DAB2IP: variants seen among roughly 807,000 people sequenced by gnomAD.
The protein encoded by DAB2IP is DAB2 interacting protein.
In DAB2IP, 28 loss-of-function variants were observed where a neutral mutation model predicts 107.2. The ratio of observed to expected loss-of-function variants is 0.26; its 90% CI spans 0.19 to 0.36. DAB2IP has a LOEUF of 0.36. Ranked by LOEUF, DAB2IP falls within the 10% of genes least tolerant of loss-of-function variation. The pLI is 1.00. For missense variants in DAB2IP, 1,400 were observed against 1,644.7 expected, an observed-to-expected ratio of 0.85 and a Z score of 2.57; for synonymous variants, 755 against 706.4, an observed-to-expected ratio of 1.07 and a Z score of -1.09.
At chr9:121,720,831 T>C (rs1168726640) in intron 3 of DAB2IP, among the ~76,000 whole-genome samples, 1 of 152,108 alleles carries the variant, frequency 6.6e-6, no homozygotes, top group Non-Finnish European at 1.5e-5. Context: ...ACCTGGTTGC[T>C]GGGGACAATT....
At chr9:121,648,244 C>T (rs2119052157), upstream of DAB2IP, among the ~76,000 whole-genome samples, 1 of 152,114 alleles carries the variant, frequency 6.6e-6, no homozygotes, top group Middle Eastern at 3.4e-3. Context: ...AACTGTTCCC[C>T]AAAAACCTAT....
intron 6 of DAB2IP, among the ~76,000 whole-genome samples, chr9:121,761,511 C>T (rs1833889119): frequency 6.6e-6 from 1 of 152,204 alleles, no homozygotes; most frequent in South Asian, 2.1e-4. Context: ...GGTCCCTCAC[C>T]CTCTCACCTG....
intron 3 of DAB2IP, among the ~76,000 whole-genome samples, chr9:121,750,320 T>C (rs1012851905): frequency 3.3e-5 from 5 of 151,688 alleles, no homozygotes; most frequent in African/African-American, 7.3e-5. Flanking sequence ...TTCACTTGTG[T>C]GCGCGCGCGC....
intron 3 of DAB2IP, among the ~76,000 whole-genome samples, chr9:121,726,638 C>T (rs184278479): frequency 1.5e-4 from 23 of 152,286 alleles, no homozygotes; most frequent in South Asian, 8.3e-4. Context: ...AATTAGAAGA[C>T]ATCTGGGCTG....
intron 1 of DAB2IP, among the ~76,000 whole-genome samples, chr9:121,582,699 C>T (rs771560959): frequency 2.6e-5 from 4 of 152,330 alleles, no homozygotes; most frequent in African/African-American, 7.2e-5. Context: ...GCTCCTCAAA[C>T]GCTTGGGCTG....
rs1417606649 is a variant in DAB2IP at position 121,702,795 on chromosome 9, G to C, written c.362+3337G>C. ...TAGGAGGGTCAGTTGGCAATATTAT[G>C]CTTTCCTCATTCCTTCTCTCTCCTG... is the stretch of plus-strand genomic sequence containing the variant. On this transcript the variant is annotated intron_variant, in intron 3 of 15. Transcript: ENST00000408936. The surrounding 1 kb of genome is among the most constrained non-coding windows in gnomAD (Gnocchi z 4.5). Among the ~76,000 whole-genome samples, 2 of 152,098 alleles carry C rather than the reference G, an allele frequency of 1.3e-5. No homozygotes were observed. The highest frequency in any genetic ancestry group is 2.9e-5 in the Non-Finnish European group (2 of 68,030).
chr9:121,630,371 A>G lies in DAB2IP; in HGVS notation c.41-48307A>G, dbSNP rs945983632. On this transcript the variant is annotated intron_variant, in intron 1 of 16. Coordinates refer to the DAB2IP transcript ENST00000259371. ...AAACCCTGTCTCTACTAAAAACACA[A>G]AAAATTAGCCAGGCATGGTGGCAGG... is the stretch of plus-strand genomic sequence containing the variant. Among the ~76,000 whole-genome samples, 3 of 152,052 alleles carry G rather than the reference A, an allele frequency of 2.0e-5. No individual in the cohort carries two copies. The East Asian group carries it at 5.9e-4, about 30-fold the overall frequency.
chr9:121,642,393 C>T (rs1832384737), intron 1 of DAB2IP, among the ~76,000 whole-genome samples: 1 of 151,818 alleles, frequency 6.6e-6, no homozygotes, highest in African/African-American at 2.4e-5. Context: ...GCTGGCCAGG[C>T]TGGTCTCAAA....
At chr9:121,751,649 C>T (rs924885402) in intron 3 of DAB2IP, 3 of 152,482 alleles carry the variant, frequency 2.0e-5, no homozygotes, top group East Asian at 3.8e-4. Context: ...GTCACTTGTG[C>T]GAGGGGCCTT....
Position 121,772,470 on chromosome 9 carries a change from G to T in DAB2IP, c.2079-137G>T. On this transcript the variant is annotated intron_variant, in intron 11 of 15. Transcript: ENST00000408936. The surrounding 1 kb of genome is among the most constrained non-coding windows in gnomAD (Gnocchi z 4.7). Reference sequence around the variant, plus strand: ...ATTCTCCCACTCCTGCCACCCCAGCGCATCCATCTCCCCAGCGCTGGCTCA... The same window carrying T: ...ATTCTCCCACTCCTGCCACCCCAGCTCATCCATCTCCCCAGCGCTGGCTCA... 1.1e-6 allele frequency: 1 copy of T among 900,482 alleles called. No individual in the cohort carries two copies. The highest frequency in any genetic ancestry group is 1.7e-6 in the Non-Finnish European group (1 of 585,742). The allele number at this position is 900,482 out of a possible 1,614,324, so 55.8% of individuals were successfully genotyped here. A position where few individuals can be genotyped will look rare whatever the true frequency, so the allele number is the denominator to read the frequency against.
Position 121,775,472 on chromosome 9 carries a change from G to A in DAB2IP, c.3121-726G>A, listed in dbSNP as rs950742088. On this transcript the variant is annotated intron_variant, in intron 13 of 15. Coordinates refer to ENST00000408936, the Ensembl canonical transcript of DAB2IP. The stretch of plus-strand genomic sequence containing the variant: ...GTGAGGAGGACTGGCCTCACTCCAG[G>A]CTTTTTGCATCCCTGTGTCCTCATG... Among the ~76,000 whole-genome samples, 3 of 152,314 alleles carry A rather than the reference G, an allele frequency of 2.0e-5. No individual in the cohort carries two copies. In the South Asian group the frequency reaches 6.2e-4, roughly 32 times the overall value.
In DAB2IP at chr9:121,677,365, T is replaced by A. The variant is rs189054528; in HGVS notation, c.125-1313T>A. ...AAACCCCCATCTCTACAATTTTTTT[T>A]AAAAAAATTAGATAGGTGTGTTGGG... is the stretch of plus-strand genomic sequence containing the variant. On this transcript the variant is annotated intron_variant, in intron 1 of 15. Transcript: ENST00000408936. Among the ~76,000 whole-genome samples, 587 of 152,076 alleles carry A rather than the reference T, an allele frequency of 3.9e-3. 2 individuals are homozygous for A. The highest frequency in any genetic ancestry group is 0.025 in the East Asian group (129 of 5,140).
chr9:121,762,046 A>G (rs532573262), intron 6 of DAB2IP, among the ~76,000 whole-genome samples: 1 of 152,118 alleles, frequency 6.6e-6, no homozygotes, highest in South Asian at 2.1e-4. Flanking sequence ...GGGATTGGGG[A>G]GCAGTAGATA....
intron 3 of DAB2IP, among the ~76,000 whole-genome samples, chr9:121,700,069 G>A (rs1179672741): frequency 6.6e-6 from 1 of 152,206 alleles, no homozygotes; most frequent in Non-Finnish European, 1.5e-5. Context: ...CCTGAGGCTG[G>A]GGAGCCAGGG....
rs544360986 is a variant in DAB2IP at position 121,702,130 on chromosome 9, G to T, written c.362+2672G>T. Among the ~76,000 whole-genome samples the T allele has an allele frequency of 1.3e-5, 2 of 152,198 alleles. No individual in the cohort carries two copies. Among genetic ancestry groups the T allele is most frequent in the Non-Finnish European group, 2.9e-5 (2 of 68,032 alleles). ...TTCTGACTTTGGATGAATCTATCTG[G>T]TTTATATGGCTGCTGAAGAGGCTTT... On this transcript the variant is annotated intron_variant, in intron 3 of 15. Transcript: ENST00000408936. The surrounding 1 kb of genome is among the most constrained non-coding windows in gnomAD (Gnocchi z 4.5).
intron 3 of DAB2IP, among the ~76,000 whole-genome samples, chr9:121,715,574 C>T (rs1054227358): frequency 3.3e-5 from 5 of 151,524 alleles, no homozygotes; most frequent in African/African-American, 1.2e-4. Flanking sequence ...AGGATGGTGT[C>T]GATCTCCTGA....
chr9:121,760,109 C>CAAG lies in DAB2IP; in HGVS notation c.853_855dup (p.Lys285dup), dbSNP rs756722949. ...CTGTCCACCTGTACCGGGAGACCGA[C>CAAG]AAGAAGAAGAAGAAGGAGCGCAACA... is the stretch of plus-strand genomic sequence containing the variant. On this transcript the variant is annotated inframe_insertion, in exon 6 of 16. Coordinates refer to ENST00000408936, the Ensembl canonical transcript of DAB2IP. The surrounding 1 kb of genome is among the most constrained non-coding windows in gnomAD (Gnocchi z 5.9). 1.9e-6 allele frequency: 3 copies of CAAG among 1,613,890 alleles called. No homozygotes were observed. The highest frequency in any genetic ancestry group is 1.1e-5 in the South Asian group (1 of 91,074).
chr9:121,771,696 AG>A (rs1464490783), intron 11 of DAB2IP, among the ~76,000 whole-genome samples: 1 of 152,096 alleles, frequency 6.6e-6, no homozygotes, highest in Non-Finnish European at 1.5e-5. Context: ...CTGGGCAGCC[AG>A]GCCCCCACTG....
At chr9:121,586,054 G>A (rs1441343189) in intron 1 of DAB2IP, among the ~76,000 whole-genome samples, 1 of 152,024 alleles carries the variant, frequency 6.6e-6, no homozygotes, top group African/African-American at 2.4e-5. Flanking sequence ...CTACCATTTC[G>A]CCCCTAGATG....
Sources: gnomAD v4.1 joint callset for allele counts (sites outside exome capture counted in the v4.1 genomes callset) on GRCh38, gnomAD v4.1.1 for gene constraint, Gnocchi (gnomAD v3.1) non-coding constraint, MANE v1.5 for transcripts, NCBI Gene and HGNC (gene_info 2026-07-23, HGNC 2026-07-21) for gene names.